The following DCAF17 variants were observed in gnomAD, a reference collection of about 807,000 sequenced individuals.
The protein encoded by DCAF17 is DDB1- and CUL4-associated factor 17.
A neutral mutation model predicts 66.0 loss-of-function variants in DCAF17; 48 were observed. That is an observed-to-expected ratio of 0.73 (90% confidence interval 0.58 to 0.92). The LOEUF (loss-of-function observed/expected upper bound fraction) is 0.92. Ranked by LOEUF, DCAF17 falls within the 40% of genes least tolerant of loss-of-function variation. DCAF17 has a pLI of 0.00. For missense variants in DCAF17, 562 were observed against 622.8 expected, an observed-to-expected ratio of 0.90 and a Z score of 1.04; for synonymous variants, 206 against 214.6, an observed-to-expected ratio of 0.96 and a Z score of 0.35.
Position 171,465,345 on chromosome 2 carries a change from C to A in DCAF17, c.839-3543C>A, listed in dbSNP as rs1218783410. On this transcript the variant is annotated intron_variant, in intron 8 of 13. Transcript: ENST00000375255. ...TCATTTTTCTATAGGATTAAGCTAC[C>A]AGCATGACCTAATTAGATTCATTTG... is the stretch of plus-strand genomic sequence containing the variant. Among the ~76,000 whole-genome samples the A allele has an allele frequency of 4.6e-5, 7 of 152,092 alleles. No homozygotes were observed. In the South Asian group the frequency reaches 1.0e-3, roughly 23 times the overall value.
At chr2:171,460,535 T>TTAC (rs1559276783) in intron 8 of DCAF17, among the ~76,000 whole-genome samples, 1 of 146,418 alleles carries the variant, frequency 6.8e-6, no homozygotes, top group Non-Finnish European at 1.5e-5. Flanking sequence ...ATTATTATTA[T>TTAC]TATTATTAAT....
chr2:171,484,131 G>A lies in DCAF17; in HGVS notation c.*3017G>A, dbSNP rs764126945. On this transcript the variant is annotated 3_prime_UTR_variant, in exon 14 of 14. Coordinates refer to ENST00000375255, the MANE Select transcript of DCAF17 (RefSeq NM_025000.4). ...AAAAGGTACTTTCCCTTTGTTTGTG[G>A]TGATAATCAGTATTAGTAGTTTTCA... 2.0e-5 allele frequency: 9 copies of A among 452,478 alleles called. No homozygotes were observed. Among genetic ancestry groups the A allele is most frequent in the South Asian group, 1.3e-4 (8 of 63,942 alleles). 28.0% of individuals were successfully genotyped at this position (452,478 alleles called of 1,614,324 possible).
At position 171,481,962 on chromosome 2, in the gene DCAF17, T is replaced by A. The variant is rs898548799; in HGVS notation, c.*848T>A. On this transcript the variant is annotated 3_prime_UTR_variant, in exon 14 of 14. Coordinates refer to ENST00000375255, the MANE Select transcript of DCAF17 (RefSeq NM_025000.4). ...ATAAAGGTACCCTTGCCTGCAGTAG[T>A]TCTGTTTCCTGTAGAAAAGTGGATA... is the stretch of plus-strand genomic sequence containing the variant. 8 of 453,982 alleles carry A rather than the reference T, an allele frequency of 1.8e-5. No homozygotes were observed. Among genetic ancestry groups the A allele is most frequent in the African/African-American group, 1.2e-4 (6 of 50,010 alleles). 28.1% of individuals were successfully genotyped at this position (453,982 alleles called of 1,614,324 possible).
At chr2:171,462,695 T>C (rs1413885518) in intron 8 of DCAF17, among the ~76,000 whole-genome samples, 1 of 152,176 alleles carries the variant, frequency 6.6e-6, no homozygotes, top group African/African-American at 2.4e-5. Flanking sequence ...ACCCAGCAAC[T>C]TCAGTACTAG....
At position 171,444,749 on chromosome 2, in the gene DCAF17, C is replaced by T. The variant is rs570247437; in HGVS notation, c.321+1136C>T. On this transcript the variant is annotated intron_variant, in intron 3 of 13. Coordinates refer to ENST00000375255, the MANE Select transcript of DCAF17 (RefSeq NM_025000.4). ...CTGATTGGCTGTCCTTTAGGAAAAA[C>T]GGAACTCATAATATGTGACCAAAAA... 3.0e-3 allele frequency among the ~76,000 whole-genome samples: 461 copies of T among 152,210 alleles called. 2 individuals carry two copies. The highest frequency in any genetic ancestry group is 4.6e-3 in the Admixed American group (71 of 15,290).
At position 171,434,609 on chromosome 2, in the gene DCAF17, G is replaced by A; in HGVS notation, c.32G>A (p.Ser11Asn). 6.5e-7 allele frequency: 1 copy of A among 1,528,992 alleles called. No homozygotes were observed. The highest frequency in any genetic ancestry group is 8.7e-7 in the Non-Finnish European group (1 of 1,145,026). 94.7% of individuals were successfully genotyped at this position (1,528,992 alleles called of 1,614,324 possible). The change falls in exon 1 of 14, where the codon AGC (serine) becomes AAC (asparagine). Residue 11 changes from serine to asparagine, a missense_variant. Ser to Asn is a conservative substitution (Grantham distance 46). This residue lies in a region of DCAF17 where 348 missense variants were observed against 355.9 expected (regional missense o/e 0.98). Transcript: ENST00000375255. MGPTRKPNVCSRLSRRALGCF... is the reference protein window; with the variant it reads MGPTRKPNVCNRLSRRALGCF... The stretch of plus-strand genomic sequence containing the variant: ...CCGACCCGGAAGCCCAACGTGTGCA[G>A]CCGGCTGAGTCGCCGGGCGCTGGGC...
Position 171,434,602 on chromosome 2 carries a change from G to C in DCAF17, c.25G>C (p.Val9Leu), listed in dbSNP as rs752565445. Residue 9 changes from valine to leucine, a missense_variant, in exon 1 of 14, where the codon GTG (valine) becomes CTG (leucine). By Grantham distance (32) the Val-to-Leu change is conservative. Transcript: ENST00000375255. MGPTRKPNVCSRLSRRALG... is the reference protein window; with the variant it reads MGPTRKPNLCSRLSRRALG... ...CATGGGCCCGACCCGGAAGCCCAACGTGTGCAGCCGGCTGAGTCGCCGGGC... is the reference window on the plus strand; with the variant it reads ...CATGGGCCCGACCCGGAAGCCCAACCTGTGCAGCCGGCTGAGTCGCCGGGC... 3.3e-6 allele frequency: 5 copies of C among 1,527,920 alleles called. No individual in the cohort carries two copies. In the African/African-American group the frequency reaches 4.2e-5, roughly 13 times the overall value. The allele number at this position is 1,527,920 out of a possible 1,614,324, so 94.6% of individuals were successfully genotyped here.
intron 2 of DCAF17, among the ~76,000 whole-genome samples, chr2:171,436,708 A>C (rs1693987421): frequency 6.6e-6 from 1 of 150,412 alleles, no homozygotes; most frequent in Non-Finnish European, 1.5e-5. Context: ...GATTTCAAAT[A>C]CTTTCTCCCA....
intron 7 of DCAF17, 74 bp from the exon 8 acceptor site, chr2:171,458,297 AT>A: frequency 7.6e-7 from 1 of 1,322,668 alleles, no homozygotes. Flanking sequence ...ATACATGTGA[AT>A]TTTATTTTTG....
Position 171,482,658 on chromosome 2 carries a change from C to T in DCAF17, c.*1544C>T. 1 of 453,876 alleles carries T rather than the reference C, an allele frequency of 2.2e-6. No homozygotes were observed. Among genetic ancestry groups the T allele is most frequent in the Non-Finnish European group, 4.4e-6 (1 of 226,746 alleles). The allele number at this position is 453,876 out of a possible 1,614,324, so 28.1% of individuals were successfully genotyped here. A position where few individuals can be genotyped will look rare whatever the true frequency, so the allele number is the denominator to read the frequency against. ...GAATAGGATGTCTTAAGACTTCAGT[C>T]ATGTCAGAGATTTTTTTTTTTAGGT... On this transcript the variant is annotated 3_prime_UTR_variant, in exon 14 of 14. Transcript: ENST00000375255.
chr2:171,479,592 C>G (rs559966266), intron 12 of DCAF17: 1 of 185,810 alleles, frequency 5.4e-6, no homozygotes, highest in African/African-American at 2.4e-5. Context: ...ATCCGTCCTT[C>G]TAGAAATGAC....
intron 8 of DCAF17, among the ~76,000 whole-genome samples, chr2:171,467,912 G>A (rs1696016047): frequency 6.6e-6 from 1 of 151,910 alleles, no homozygotes; most frequent in Admixed American, 6.6e-5. Flanking sequence ...TATATAACAT[G>A]TGACTCTTAC....
At chr2:171,446,429 C>G (rs1188246954) in intron 3 of DCAF17, among the ~76,000 whole-genome samples, 1 of 151,998 alleles carries the variant, frequency 6.6e-6, no homozygotes, top group Non-Finnish European at 1.5e-5. Flanking sequence ...ACCTGTAATC[C>G]CAGATACTCG....
At chr2:171,465,592 G>A (rs1695853179) in intron 8 of DCAF17, among the ~76,000 whole-genome samples, 1 of 152,024 alleles carries the variant, frequency 6.6e-6, no homozygotes, top group South Asian at 2.1e-4. Context: ...AACCAATTCT[G>A]CCTCAGCCTC....
intron 8 of DCAF17, among the ~76,000 whole-genome samples, chr2:171,459,359 A>G (rs112045336): frequency 4.3e-4 from 65 of 152,368 alleles, no homozygotes; most frequent in African/African-American, 1.6e-3. Context: ...CAGTAGTAGT[A>G]CATTAAAAGA....
chr2:171,443,359 A>T, intron 2 of DCAF17, 164 bp from the exon 3 acceptor site: 1 of 553,400 alleles, frequency 1.8e-6, no homozygotes, highest in Non-Finnish European at 3.1e-6. Flanking sequence ...TTTTTTTTAT[A>T]TGAATTATGT....
chr2:171,455,803 G>A (rs189496195), intron 6 of DCAF17, among the ~76,000 whole-genome samples: 8 of 151,898 alleles, frequency 5.3e-5, no homozygotes, highest in African/African-American at 1.7e-4. Context: ...TTGGCCACAT[G>A]TATGCCATCT....
chr2:171,464,419 A>G (rs936103697), intron 8 of DCAF17, among the ~76,000 whole-genome samples: 9 of 152,154 alleles, frequency 5.9e-5, no homozygotes, highest in Non-Finnish European at 1.0e-4. Context: ...GTGGCAGCAT[A>G]ACTCCAAATT....
At chr2:171,447,146 T>C (rs999769533) in intron 3 of DCAF17, among the ~76,000 whole-genome samples, 3 of 152,078 alleles carry the variant, frequency 2.0e-5, no homozygotes, top group Non-Finnish European at 2.9e-5. Flanking sequence ...TTGTATTGTT[T>C]TAGTATTTAG....
Sources: gnomAD v4.1 joint callset for allele counts (sites outside exome capture counted in the v4.1 genomes callset) on GRCh38, gnomAD v4.1.1 for gene constraint, gnomAD v4.1.1 regional missense constraint, MANE v1.5 for transcripts, NCBI Gene and HGNC (gene_info 2026-07-23, HGNC 2026-07-21) for gene names.